Variants in PTPRD observed in about 807,000 individuals in gnomAD.
PTPRD encodes the protein receptor-type tyrosine-protein phosphatase delta.
A neutral mutation model predicts 214.5 loss-of-function variants in PTPRD; 34 were observed. The observed-to-expected ratio is 0.16, with a 90% CI of 0.12 to 0.21. PTPRD has a LOEUF of 0.21. Ranked by LOEUF, PTPRD falls within the 10% of genes least tolerant of loss-of-function variation. The pLI, the probability that PTPRD is intolerant of heterozygous loss-of-function variation, is 1.00. For synonymous variants in PTPRD, 1,128 were observed against 845.7 expected (o/e 1.33, Z -5.79); for missense variants, 2,545 against 2,398.7 (o/e 1.06, Z -1.27).
intron 8 of PTPRD, among the ~76,000 whole-genome samples, chr9:9,489,180 G>A (rs1274788391): frequency 2.6e-5 from 4 of 152,066 alleles, no homozygotes; most frequent in African/African-American, 9.7e-5. Context: ...TGACATAGGC[G>A]CAGAAAAAAT....
chr9:8,417,411 G>C (rs148765422), intron 35 of PTPRD, among the ~76,000 whole-genome samples: 298 of 152,250 alleles, frequency 2.0e-3, no homozygotes, highest in African/African-American at 6.8e-3. Flanking sequence ...GCAAAGGGTA[G>C]AGCTGTATTG....
chr9:10,024,703 A>T (rs2096887525), intron 4 of PTPRD, among the ~76,000 whole-genome samples: 1 of 151,214 alleles, frequency 6.6e-6, no homozygotes, highest in African/African-American at 2.4e-5. Context: ...ATACGTATAC[A>T]TGTGCCATGT....
intron 10 of PTPRD, among the ~76,000 whole-genome samples, chr9:9,110,386 C>G (rs1182238923): frequency 1.3e-5 from 2 of 152,048 alleles, no homozygotes; most frequent in African/African-American, 4.8e-5. Flanking sequence ...GGGTGTGAGG[C>G]CCAGGAATCT....
At chr9:8,546,662 C>A (rs1437141536) in intron 14 of PTPRD, among the ~76,000 whole-genome samples, 1 of 152,008 alleles carries the variant, frequency 6.6e-6, no homozygotes, top group African/African-American at 2.4e-5. Flanking sequence ...CCATGCCTCG[C>A]TACTTTTTTG....
At chr9:8,538,839 C>T (rs1420609235) in intron 14 of PTPRD, among the ~76,000 whole-genome samples, 2 of 151,802 alleles carry the variant, frequency 1.3e-5, no homozygotes, top group Non-Finnish European at 2.9e-5. Flanking sequence ...TTTCTAAATA[C>T]CATTCTCCAG....
intron 2 of PTPRD, among the ~76,000 whole-genome samples, chr9:10,406,748 G>C (rs2098367116): frequency 1.3e-5 from 2 of 151,474 alleles, no homozygotes; most frequent in South Asian, 4.2e-4. Context: ...TCAAAAATGA[G>C]AGCCAGATTT....
chr9:8,618,914 GTTTTTTTTT>G (rs554282961), intron 14 of PTPRD, among the ~76,000 whole-genome samples: 8 of 67,834 alleles, frequency 1.2e-4, no homozygotes, highest in Admixed American at 1.2e-3. Flanking sequence ...GTGTTTTTTT[GTTTTTTTTT>G]TTTTTTTTTT....
chr9:10,411,384 C>T (rs2098435060), intron 2 of PTPRD, among the ~76,000 whole-genome samples: 1 of 151,714 alleles, frequency 6.6e-6, no homozygotes, highest in South Asian at 2.1e-4. Flanking sequence ...TGAAAGGATG[C>T]AACCATATGT....
At chr9:10,236,121 T>A (rs2099628011) in intron 3 of PTPRD, among the ~76,000 whole-genome samples, 1 of 151,966 alleles carries the variant, frequency 6.6e-6, no homozygotes, top group African/African-American at 2.4e-5. Flanking sequence ...TTACTATAAC[T>A]AATTTCACGT....
chr9:10,403,079 G>A (rs2098297567), intron 2 of PTPRD, among the ~76,000 whole-genome samples: 1 of 150,996 alleles, frequency 6.6e-6, no homozygotes, highest in African/African-American at 2.4e-5. Flanking sequence ...ATACCAATAT[G>A]TATTGCCATA....
rs138804733 is a variant in PTPRD, at chr9:8,470,961, G to A, written c.3504+34C>T. 1.7e-4 allele frequency: 270 copies of A among 1,568,910 alleles called. 1 individual carries two copies. The African/African-American group carries it at 2.9e-3, about 17-fold the overall frequency. On this transcript the variant is annotated intron_variant, in intron 31 of 45. Transcript: ENST00000381196. ...GCGGAAATGCAGCAGATTAAATAACGAATAAAAGACATGGCCAACAATGAC... is the reference window on the plus strand; with the variant it reads ...GCGGAAATGCAGCAGATTAAATAACAAATAAAAGACATGGCCAACAATGAC...
chr9:8,435,765 C>T (rs1167839464), intron 35 of PTPRD, among the ~76,000 whole-genome samples: 3 of 151,778 alleles, frequency 2.0e-5, no homozygotes, highest in Admixed American at 6.6e-5. Context: ...TTTTAATTTA[C>T]CTCCATCAAG....
At chr9:9,530,030 G>T (rs958532129) in intron 8 of PTPRD, among the ~76,000 whole-genome samples, 2 of 152,032 alleles carry the variant, frequency 1.3e-5, no homozygotes, top group Non-Finnish European at 2.9e-5. Context: ...AGAGTTTATA[G>T]CAGTAAGTAC....
At chr9:9,989,369 G>A (rs547287996) in intron 4 of PTPRD, among the ~76,000 whole-genome samples, 2 of 152,156 alleles carry the variant, frequency 1.3e-5, no homozygotes, top group South Asian at 4.2e-4. Context: ...AAAACCCCAA[G>A]CTCCACTGGT....
chr9:9,626,776 G>A (rs2095437747), intron 7 of PTPRD, among the ~76,000 whole-genome samples: 2 of 152,138 alleles, frequency 1.3e-5, no homozygotes, highest in Admixed American at 6.5e-5. Context: ...AAATGAAATG[G>A]CTCGCCCCAA....
At chr9:9,441,600 G>A (rs189574898) in intron 8 of PTPRD, among the ~76,000 whole-genome samples, 105 of 152,160 alleles carry the variant, frequency 6.9e-4, no homozygotes, top group South Asian at 5.4e-3. Context: ...TTATCATGCT[G>A]CCCTTTCCAT....
At chr9:9,943,925 T>C (rs1054691190) in intron 4 of PTPRD, among the ~76,000 whole-genome samples, 2 of 152,166 alleles carry the variant, frequency 1.3e-5, no homozygotes, top group African/African-American at 2.4e-5. Context: ...CCTTCACCAA[T>C]GTCTCACTAA....
At chr9:8,969,959 G>A (rs2099226710) in intron 11 of PTPRD, among the ~76,000 whole-genome samples, 1 of 151,886 alleles carries the variant, frequency 6.6e-6, no homozygotes, top group Admixed American at 6.6e-5. Context: ...TGTGTTATGA[G>A]AATGTAATAA....
intron 3 of PTPRD, among the ~76,000 whole-genome samples, chr9:10,169,458 A>G: frequency 7.6e-6 from 1 of 132,114 alleles, no homozygotes; most frequent in Non-Finnish European, 1.6e-5. Context: ...TGGGCGAAAG[A>G]GCGAGACTCT....
Sources: gnomAD v4.1 joint callset for allele counts (sites outside exome capture counted in the v4.1 genomes callset) on GRCh38, gnomAD v4.1.1 for gene constraint, MANE v1.5 for transcripts, NCBI Gene and HGNC (gene_info 2026-07-23, HGNC 2026-07-21) for gene names.